UNC13C: variants seen among roughly 807,000 people sequenced by gnomAD.
UNC13C encodes protein unc-13 homolog C.
In UNC13C, 174 loss-of-function variants were observed where a neutral mutation model predicts 245.4. The observed-to-expected ratio is 0.71, with a 90% CI of 0.63 to 0.80. UNC13C has a LOEUF of 0.80. Among genes scored for constraint, UNC13C ranks in the 30% least tolerant of loss-of-function variants. The probability of loss-of-function intolerance (pLI) is 0.00; values close to 1 mark genes in which losing one functional copy is unlikely to be tolerated. For synonymous variants in UNC13C, 992 were observed against 895.1 expected, an observed-to-expected ratio of 1.11 and a Z score of -1.93; for missense variants, 2,829 against 2,602.9, an observed-to-expected ratio of 1.09 and a Z score of -1.89.
In UNC13C at chr15:54,545,506, C is replaced by G. The variant is rs572835796; in HGVS notation, c.5697-1216C>G. Among the ~76,000 whole-genome samples the G allele has an allele frequency of 2.0e-4, 30 of 152,244 alleles. No individual in the cohort carries two copies. In the South Asian group the frequency reaches 6.0e-3, roughly 31 times the overall value. ...CAAAAGAAACCATCATCAGAGTGAA[C>G]AGGCAATCTACAGAATGGGAGAAAA... On this transcript the variant is annotated intron_variant, in intron 26 of 32. Transcript: ENST00000260323.
intron 12 of UNC13C, 139 bp from the exon 13 acceptor site, chr15:54,300,071 A>G (rs909111418): frequency 2.7e-6 from 2 of 750,344 alleles, no homozygotes; most frequent in Non-Finnish European, 4.2e-6. Context: ...TAAAAATTCA[A>G]GATATTCCTA....
chr15:54,468,594 G>C (rs1040803977), intron 19 of UNC13C, among the ~76,000 whole-genome samples: 2 of 151,584 alleles, frequency 1.3e-5, no homozygotes, highest in African/African-American at 4.8e-5. Flanking sequence ...TTACTTTTAA[G>C]TCTTTAATCT....
the UNC13C span, among the ~76,000 whole-genome samples, chr15:53,877,889 C>G: frequency 7.9e-5 from 12 of 152,258 alleles, no homozygotes; most frequent in South Asian, 2.5e-3. Flanking sequence ...ACTATAGATT[C>G]ATTTGGACAT....
At chr15:54,327,715 C>G (rs571882383) in intron 14 of UNC13C, among the ~76,000 whole-genome samples, 1 of 151,948 alleles carries the variant, frequency 6.6e-6, no homozygotes, top group African/African-American at 2.4e-5. Flanking sequence ...TGGGATGTAA[C>G]CAGTGCACTG....
chr15:54,067,342 A>T (rs1898122229), intron 2 of UNC13C, among the ~76,000 whole-genome samples: 1 of 152,114 alleles, frequency 6.6e-6, no homozygotes, highest in Non-Finnish European at 1.5e-5. Context: ...AGGCCAACAC[A>T]CTCCACACCT....
chr15:54,049,352 GA>G (rs1897176733), intron 2 of UNC13C: 3 of 509,550 alleles, frequency 5.9e-6, no homozygotes, highest in African/African-American at 2.0e-5. Context: ...TCTACAAGAA[GA>G]AAATGTCTTT....
At chr15:54,100,926 A>G (rs1262566485) in intron 2 of UNC13C, among the ~76,000 whole-genome samples, 1 of 152,090 alleles carries the variant, frequency 6.6e-6, no homozygotes, top group African/African-American at 2.4e-5. Flanking sequence ...ACATTGACTG[A>G]GGTATAATAT....
At chr15:54,281,509 A>G (rs2036997047) in intron 10 of UNC13C, among the ~76,000 whole-genome samples, 1 of 152,300 alleles carries the variant, frequency 6.6e-6, no homozygotes, top group Middle Eastern at 3.4e-3. Flanking sequence ...TGTGCTGGTC[A>G]TTTGCCTTTC....
chr15:54,355,416 G>A (rs982870669), intron 17 of UNC13C, among the ~76,000 whole-genome samples: 14 of 151,898 alleles, frequency 9.2e-5, no homozygotes, highest in African/African-American at 3.4e-4. Context: ...GAGTGCCATG[G>A]CGCGATCTCG....
At chr15:54,604,674 C>G (rs1596657857) in intron 30 of UNC13C, among the ~76,000 whole-genome samples, 1 of 152,176 alleles carries the variant, frequency 6.6e-6, no homozygotes, top group East Asian at 1.9e-4. Flanking sequence ...CTCTTTATTT[C>G]TGGTGGGATA....
rs866327709 is a variant in UNC13C, at chr15:54,042,808, G to C, written c.2983+26922G>C. ...GTGGAACTTGCAGTGAGCCGAGATC[G>C]TGCCACTGCACTCCAGCCTGGGTGA... On this transcript the variant is annotated intron_variant, in intron 2 of 32. Transcript: ENST00000260323. Among the ~76,000 whole-genome samples the C allele has an allele frequency of 3.3e-5, 5 of 152,144 alleles. No individual in the cohort carries two copies. The East Asian group carries it at 5.8e-4, about 18-fold the overall frequency.
At chr15:54,284,708 GTCTC>G (rs2037096564) in intron 10 of UNC13C, among the ~76,000 whole-genome samples, 1 of 151,972 alleles carries the variant, frequency 6.6e-6, no homozygotes, top group Admixed American at 6.6e-5. Flanking sequence ...TTCTTAAGTG[GTCTC>G]TCTTTTCGTA....
chr15:54,298,814 T>G (rs1452176420), intron 12 of UNC13C, among the ~76,000 whole-genome samples: 1 of 152,184 alleles, frequency 6.6e-6, no homozygotes, highest in Non-Finnish European at 1.5e-5. Flanking sequence ...GTACTCTTCT[T>G]CATGTGTTTC....
At chr15:54,304,252 G>C (rs531602947) in intron 13 of UNC13C, among the ~76,000 whole-genome samples, 1 of 152,024 alleles carries the variant, frequency 6.6e-6, no homozygotes, top group East Asian at 1.9e-4. Context: ...AGGGCATGAG[G>C]GCCATAGATT....
At chr15:54,336,623 A>T (rs73415727) in intron 16 of UNC13C, among the ~76,000 whole-genome samples, 31,407 of 151,200 alleles carry the variant, frequency 0.21, 3,775 homozygotes, top group East Asian at 0.59. Flanking sequence ...AATTTTGGGG[A>T]TTGTTTTGCT....
chr15:53,942,141 C>T, the UNC13C span, among the ~76,000 whole-genome samples: 1 of 152,114 alleles, frequency 6.6e-6, no homozygotes, highest in Non-Finnish European at 1.5e-5. Flanking sequence ...ATAGCAAAGA[C>T]ATGGAATCAA....
At chr15:54,428,124 T>A (rs1283470767) in intron 19 of UNC13C, among the ~76,000 whole-genome samples, 1 of 151,876 alleles carries the variant, frequency 6.6e-6, no homozygotes, top group Non-Finnish European at 1.5e-5. Context: ...TTGTGCCTAG[T>A]ACTCCATGAG....
At chr15:53,900,638 T>C in the UNC13C span, among the ~76,000 whole-genome samples, 7 of 152,152 alleles carry the variant, frequency 4.6e-5, no homozygotes, top group Non-Finnish European at 5.9e-5. Flanking sequence ...AGTATAAAAA[T>C]AGAGGCCCAG....
chr15:54,454,247 A>C (rs1339948072), intron 19 of UNC13C, among the ~76,000 whole-genome samples: 1 of 152,016 alleles, frequency 6.6e-6, no homozygotes. Context: ...GGACTTTTTC[A>C]TCTTCATCCC....
Sources: allele counts gnomAD v4.1 joint callset (sites outside exome capture counted in the v4.1 genomes callset), GRCh38; gene constraint gnomAD v4.1.1; transcripts MANE v1.5; gene names NCBI Gene and HGNC (gene_info 2026-07-23, HGNC 2026-07-21).